The following RFX3 variants were observed in gnomAD, a reference collection of about 807,000 sequenced individuals.
RFX3 encodes transcription factor RFX3.
In RFX3, 14 loss-of-function variants were observed where a neutral mutation model predicts 98.6. The observed-to-expected ratio is 0.14, with a 90% CI of 0.09 to 0.22. RFX3 has a LOEUF of 0.22. RFX3 is among the 10% of genes least tolerant of loss of function. The probability of loss-of-function intolerance (pLI) is 1.00; values close to 1 mark genes in which losing one functional copy is unlikely to be tolerated. For missense variants in RFX3, 639 were observed against 926.9 expected, an observed-to-expected ratio of 0.69 and a Z score of 4.03; for synonymous variants, 383 against 328.4, an observed-to-expected ratio of 1.17 and a Z score of -1.80.
At chr9:3,334,474 G>T (rs542387888) in intron 3 of RFX3, among the ~76,000 whole-genome samples, 1 of 152,208 alleles carries the variant, frequency 6.6e-6, no homozygotes, top group South Asian at 2.1e-4. Flanking sequence ...GTAAAGAACA[G>T]TAATGCAAAA....
chr9:3,465,479 T>G (rs901584741), intron 1 of RFX3, among the ~76,000 whole-genome samples: 1 of 146,178 alleles, frequency 6.8e-6, no homozygotes, highest in African/African-American at 2.5e-5. Context: ...TTTTTTTGTA[T>G]TTTTAGTAGA....
At chr9:3,495,132 T>C (rs985489002) in intron 1 of RFX3, among the ~76,000 whole-genome samples, 3 of 151,740 alleles carry the variant, frequency 2.0e-5, no homozygotes, top group Non-Finnish European at 4.4e-5. Flanking sequence ...ATATATATTA[T>C]ACTTTCCCCT....
At chr9:3,418,569 G>A (rs1325979229) in intron 1 of RFX3, among the ~76,000 whole-genome samples, 4 of 151,910 alleles carry the variant, frequency 2.6e-5, no homozygotes, top group East Asian at 3.9e-4. Flanking sequence ...TAGTAGAGAC[G>A]GGGTTTCACC....
intron 3 of RFX3, among the ~76,000 whole-genome samples, chr9:3,336,049 T>C (rs1355918780): frequency 6.6e-6 from 1 of 152,182 alleles, no homozygotes; most frequent in Non-Finnish European, 1.5e-5. Context: ...TACCAAGATG[T>C]TGAATGTCCT....
chr9:3,404,693 T>A (rs1176835077), intron 1 of RFX3, among the ~76,000 whole-genome samples: 1 of 152,186 alleles, frequency 6.6e-6, no homozygotes, highest in Non-Finnish European at 1.5e-5. Context: ...AAAAATATAG[T>A]TGTCATTATA....
intron 15 of RFX3, among the ~76,000 whole-genome samples, chr9:3,231,279 A>G (rs759978389): frequency 3.3e-5 from 5 of 152,212 alleles, no homozygotes; most frequent in Non-Finnish European, 7.3e-5. Context: ...ACTATCCTAT[A>G]GAGCTGAAGG....
intron 4 of RFX3, among the ~76,000 whole-genome samples, chr9:3,318,922 C>A (rs1034792911): frequency 1.3e-5 from 2 of 152,108 alleles, no homozygotes; most frequent in Non-Finnish European, 2.9e-5. Flanking sequence ...TTTGATTATT[C>A]TGTGGAGCCC....
At chr9:3,504,908 ATATATAATATAACAT>A (rs1816702890) in intron 1 of RFX3, among the ~76,000 whole-genome samples, 1 of 73,630 alleles carries the variant, frequency 1.4e-5, no homozygotes, top group African/African-American at 7.3e-5. Context: ...TATTATATAT[ATATATAATATAACAT>A]ATATTATATA....
intron 1 of RFX3, chr9:3,524,696 G>T: frequency 1.2e-6 from 1 of 831,264 alleles, no homozygotes; most frequent in Non-Finnish European, 1.5e-6. Context: ...ACTCTACTGC[G>T]GGGAAGGAGG....
intron 1 of RFX3, among the ~76,000 whole-genome samples, chr9:3,507,453 G>T (rs1817214957): frequency 6.6e-6 from 1 of 151,836 alleles, no homozygotes; most frequent in Non-Finnish European, 1.5e-5. Context: ...TTTTCAGGTT[G>T]ATTTTATTAA....
intron 4 of RFX3, among the ~76,000 whole-genome samples, chr9:3,306,066 T>G (rs375890151): frequency 6.6e-6 from 1 of 152,088 alleles, no homozygotes; most frequent in African/African-American, 2.4e-5. Context: ...CACTAAATGA[T>G]GTTTTACCAC....
chr9:3,390,269 T>C (rs1450232353), intron 2 of RFX3, among the ~76,000 whole-genome samples: 1 of 152,066 alleles, frequency 6.6e-6, no homozygotes, highest in East Asian at 1.9e-4. Context: ...TGGGGCACTG[T>C]TGAAAAGATA....
intron 1 of RFX3, among the ~76,000 whole-genome samples, chr9:3,465,066 G>T (rs1046172501): frequency 6.6e-6 from 1 of 152,078 alleles, no homozygotes; most frequent in Non-Finnish European, 1.5e-5. Context: ...TGTTAAAGGG[G>T]TGCTTTATTA....
At chr9:3,424,613 G>A (rs1054902373) in intron 1 of RFX3, among the ~76,000 whole-genome samples, 1 of 151,926 alleles carries the variant, frequency 6.6e-6, no homozygotes, top group Admixed American at 6.5e-5. Flanking sequence ...GCCCGCCTCG[G>A]CCTCCCAAAG....
At chr9:3,336,329 G>A (rs377209130) in intron 3 of RFX3, among the ~76,000 whole-genome samples, 16 of 151,828 alleles carry the variant, frequency 1.1e-4, no homozygotes, top group African/African-American at 2.9e-4. Flanking sequence ...TTAGGGCTAC[G>A]TAACACAAGG....
chr9:3,296,582 G>C (rs2129841288), intron 5 of RFX3, among the ~76,000 whole-genome samples: 1 of 151,952 alleles, frequency 6.6e-6, no homozygotes, highest in Admixed American at 6.6e-5. Context: ...TAAATCACTA[G>C]TTAGTTTGAA....
At chr9:3,266,773 C>A (rs1362436660) in intron 11 of RFX3, among the ~76,000 whole-genome samples, 1 of 151,994 alleles carries the variant, frequency 6.6e-6, no homozygotes, top group Non-Finnish European at 1.5e-5. Flanking sequence ...CTCTATGCAT[C>A]TATTTACTTA....
intron 2 of RFX3, among the ~76,000 whole-genome samples, chr9:3,347,213 TG>T (rs1563963993): frequency 2.6e-5 from 4 of 151,906 alleles, no homozygotes; most frequent in Admixed American, 1.3e-4. Flanking sequence ...CCCAGTTACT[TG>T]GGAGGCTGAG....
At chr9:3,287,694 T>C (rs1435954349) in intron 7 of RFX3, among the ~76,000 whole-genome samples, 2 of 151,996 alleles carry the variant, frequency 1.3e-5, no homozygotes, top group Non-Finnish European at 2.9e-5. Context: ...TCAGCAATTC[T>C]GTATCTATGA....
Sources: gnomAD v4.1 joint callset for allele counts (sites outside exome capture counted in the v4.1 genomes callset) on GRCh38, gnomAD v4.1.1 for gene constraint, MANE v1.5 for transcripts, NCBI Gene and HGNC (gene_info 2026-07-23, HGNC 2026-07-21) for gene names.